The following CC2D1A variants were observed in gnomAD, a reference collection of about 807,000 sequenced individuals.
CC2D1A encodes the protein coiled-coil and C2 domain-containing protein 1A.
Under a neutral mutation model 123.8 loss-of-function variants are expected in CC2D1A, and 68 were observed. That is an observed-to-expected ratio of 0.55 (90% CI 0.45 to 0.67). CC2D1A has a LOEUF of 0.67. Ranked by LOEUF, CC2D1A falls within the 30% of genes least tolerant of loss-of-function variation. CC2D1A has a pLI of 0.00. For synonymous variants in CC2D1A, 477 were observed against 528.0 expected (o/e 0.90, Z 1.32); for missense variants, 1,185 against 1,290.3 (o/e 0.92, Z 1.25).
chr19:13,927,886 C>CA lies in CC2D1A; in HGVS notation c.2317-6dup, dbSNP rs751821508. ...CCCACCAACAGTTTCTCCTTACCCC[C>CA]ACCCAGGTCCTGGATGGTCGCCGGC... On this transcript the variant is annotated splice_region_variant and splice_polypyrimidine_tract_variant and intron_variant, in intron 22 of 28. Coordinates refer to ENST00000318003, the MANE Select transcript of CC2D1A (RefSeq NM_017721.5). The CA allele has an allele frequency of 5.0e-6, 8 of 1,613,016 alleles. No homozygotes were observed. In the African/African-American group the frequency reaches 6.7e-5, roughly 13 times the overall value.
chr19:13,916,809 G>A (rs1046352003), intron 6 of CC2D1A, among the ~76,000 whole-genome samples: 5 of 152,092 alleles, frequency 3.3e-5, no homozygotes, highest in South Asian at 2.1e-4. Context: ...AAGATACTGC[G>A]TGCCATTTTC....
chr19:13,918,462 C>T (rs898788135), intron 7 of CC2D1A, 42 bp from the exon 8 acceptor site: 2 of 1,587,620 alleles, frequency 1.3e-6, no homozygotes, highest in Non-Finnish European at 1.7e-6. Context: ...GTCCAAGCCC[C>T]CAACTGCACC....
chr19:13,929,471 G>A (rs774015201), intron 25 of CC2D1A, 29 bp downstream of exon 25: 6 of 1,612,760 alleles, frequency 3.7e-6, no homozygotes, highest in Non-Finnish European at 5.1e-6. Flanking sequence ...GGGCTACATG[G>A]GGCAGGACTG....
At position 13,930,528 on chromosome 19, in the gene CC2D1A, C is replaced by T; in HGVS notation, c.*133C>T. The T allele has an allele frequency of 9.4e-7, 1 of 1,066,608 alleles. No individual in the cohort carries two copies. Among genetic ancestry groups the T allele is most frequent in the Non-Finnish European group, 1.3e-6 (1 of 760,922 alleles). The allele number at this position is 1,066,608 out of a possible 1,614,324, so 66.1% of individuals were successfully genotyped here. A position where few individuals can be genotyped will look rare whatever the true frequency, so the allele number is the denominator to read the frequency against. On this transcript the variant is annotated 3_prime_UTR_variant, in exon 29 of 29. Transcript: ENST00000318003. The surrounding 1 kb of genome is among the most constrained non-coding windows in gnomAD (Gnocchi z 6.8). ...TTCTGGACTCACCCCTCATCCGGGC[C>T]CCCAGCCCCGCCAGAGCCTCCGTGG...
intron 1 of CC2D1A, among the ~76,000 whole-genome samples, chr19:13,907,171 TGGA>T (rs1970788661): frequency 6.6e-6 from 1 of 151,952 alleles, no homozygotes; most frequent in Non-Finnish European, 1.5e-5. Flanking sequence ...CTTCAGGAGA[TGGA>T]GGCGGAGGCA....
At position 13,918,974 on chromosome 19, in the gene CC2D1A, G is replaced by T; in HGVS notation, c.1081G>T (p.Val361Leu). 6.2e-7 allele frequency: 1 copy of T among 1,610,050 alleles called. No individual in the cohort carries two copies. Reference protein sequence around the residue: ...ALEQRMERYQVAAAQAKSKGD... With the variant: ...ALEQRMERYQLAAAQAKSKGD... ...GGAGCAGCGGATGGAGCGGTACCAG[G>T]TGGCCGCAGCCCAGGCCAAGAGCAA... Residue 361 changes from valine (V) to leucine (L), a missense_variant, in exon 10 of 29, where the codon GTG becomes TTG. Physicochemically the swap from Val to Leu is conservative, Grantham distance 32. Transcript: ENST00000318003.
chr19:13,913,559 G>A lies in CC2D1A; in HGVS notation c.669G>A (p.Glu223=). 1 of 1,614,094 alleles carries A rather than the reference G, an allele frequency of 6.2e-7. No individual in the cohort carries two copies. Among genetic ancestry groups the A allele is most frequent in the Admixed American group, 1.7e-5 (1 of 60,014 alleles). The change falls in exon 6 of 29, where the codon GAG becomes GAA. Residue 223 remains glutamate (E), a synonymous_variant. Transcript: ENST00000318003. The part of the protein sequence containing the change: ...QPAPRIASAP[E]PRVTLEGPSA... ...CCCCTAGAATCGCGTCAGCCCCAGAGCCCAGGGTCACCCTGGAGGGACCTT... is the reference window on the plus strand; with the variant it reads ...CCCCTAGAATCGCGTCAGCCCCAGAACCCAGGGTCACCCTGGAGGGACCTT...
chr19:13,923,773 C>T lies in CC2D1A; in HGVS notation c.1902C>T (p.Pro634=), dbSNP rs779463563. The T allele has an allele frequency of 1.9e-6, 3 of 1,614,160 alleles. No individual in the cohort carries two copies. The Admixed American group carries it at 5.0e-5, about 27-fold the overall frequency. ...CCTTCGTCCGGGGTCTCCCCACGCC[C>T]ACCGCCCGCTTTGAGCAAAGGACCT... ...KQAFVRGLPT[P]TARFEQRTFS... Residue 634 remains proline (P), a synonymous_variant, in exon 17 of 29, where the codon CCC becomes CCT. Transcript: ENST00000318003. This position sits in a 1 kb window ranked among gnomAD's most constrained non-coding sequence, Gnocchi z 5.3.
chr19:13,921,073 A>G, intron 14 of CC2D1A, 151 bp downstream of exon 14: 2 of 797,270 alleles, frequency 2.5e-6, no homozygotes, highest in Non-Finnish European at 3.8e-6. Context: ...GGAGACAGAC[A>G]TTTATTATGT....
chr19:13,918,815 C>T lies in CC2D1A; in HGVS notation c.1016C>T (p.Thr339Ile). Residue 339 changes from threonine to isoleucine, a missense_variant and splice_region_variant, in exon 9 of 29, where the codon ACA (threonine) becomes ATA (isoleucine). Coordinates refer to ENST00000318003, the MANE Select transcript of CC2D1A (RefSeq NM_017721.5). ...ACCCCCGCTACGGCGCCCTCCACAA[C>T]AGGTAGGTTCTGGGACCCTCTGGGG... ...PPTPATAPST[T>I]EVPPPPRTLL... 6.2e-7 allele frequency: 1 copy of T among 1,613,654 alleles called. No individual in the cohort carries two copies. The highest frequency in any genetic ancestry group is 2.2e-5 in the East Asian group (1 of 44,880).
Position 13,912,564 on chromosome 19 carries a change from G to C in CC2D1A, c.349G>C (p.Ala117Pro), listed in dbSNP as rs1728920171. The C allele has an allele frequency of 1.2e-6, 2 of 1,614,088 alleles. No individual in the cohort carries two copies. The highest frequency in any genetic ancestry group is 1.3e-5 in the African/African-American group (1 of 75,038). Residue 117 changes from alanine (A) to proline (P), a missense_variant, in exon 4 of 29, where the codon GCT (alanine) becomes CCT (proline). Transcript: ENST00000318003. ...TGAGGTCCTTGGAGAGGAGCAGAAG[G>C]CTTCAGAGACCCCACCTCCTGTGGC... Reference protein sequence around the residue: ...LNEVLGEEQKASETPPPVAQP... With the variant: ...LNEVLGEEQKPSETPPPVAQP...
chr19:13,928,302 C>T, intron 24 of CC2D1A, 114 bp downstream of exon 24: 1 of 860,814 alleles, frequency 1.2e-6, no homozygotes, highest in African/African-American at 1.7e-5. Flanking sequence ...TGCTGCAAAA[C>T]CTTTCTTGGC....
Position 13,912,338 on chromosome 19 carries a change from A to G in CC2D1A, c.212A>G (p.Glu71Gly), listed in dbSNP as rs554083988. The change falls in exon 3 of 29, where the codon GAG (glutamate) becomes GGG (glycine). Residue 71 changes from glutamate to glycine, a missense_variant. Coordinates refer to ENST00000318003, the MANE Select transcript of CC2D1A (RefSeq NM_017721.5). ...CTACCGCCAGGTCCCTTGCCGATGG[A>G]GGCCATTGAGAAGATGGCCAGCCTG... ...KLKGKGPLPM[E>G]AIEKMASLCM... 6 of 1,608,076 alleles carry G rather than the reference A, an allele frequency of 3.7e-6. No individual in the cohort carries two copies. In the East Asian group the frequency reaches 6.7e-5, roughly 18 times the overall value.
intron 17 of CC2D1A, 85 bp from the exon 18 acceptor site, chr19:13,926,432 T>G: frequency 7.5e-7 from 1 of 1,331,398 alleles, no homozygotes. Flanking sequence ...CTGCCCCCAC[T>G]GGGGGAAGAG....
rs533880205 is a variant in CC2D1A, at chr19:13,927,067, G to A, written c.2215G>A (p.Val739Ile). The A allele has an allele frequency of 1.9e-6, 3 of 1,614,076 alleles. No homozygotes were observed. The highest frequency in any genetic ancestry group is 2.5e-6 in the Non-Finnish European group (3 of 1,179,986). ...IQTKGIKFEV[V>I]HKGGLFKTDR... The stretch of plus-strand genomic sequence containing the variant: ...GACCAAGGGCATCAAGTTCGAAGTG[G>A]TTCACAAGGGGTGAGCTAGAGAGAG... The change falls in exon 21 of 29, where the codon GTT (valine) becomes ATT (isoleucine). Residue 739 changes from valine to isoleucine, a missense_variant. Transcript: ENST00000318003.
chr19:13,920,751 C>A lies in CC2D1A; in HGVS notation c.1470C>A (p.Ala490=), dbSNP rs1200229558. ...KAPPKATSTR[A]QQQLAFLEGR... is the part of the protein sequence containing the mutation. Reference sequence around the variant, plus strand: ...CCATAGCAGCTCCTATGCCCACAGCCCAGCAGCAGCTGGCCTTCCTAGAGG... The same window carrying A: ...CCATAGCAGCTCCTATGCCCACAGCACAGCAGCAGCTGGCCTTCCTAGAGG... Residue 490 remains alanine (A), a splice_region_variant and synonymous_variant, in exon 14 of 29, where the codon GCC becomes GCA. Coordinates refer to ENST00000318003, the MANE Select transcript of CC2D1A (RefSeq NM_017721.5). The A allele has an allele frequency of 6.2e-7, 1 of 1,613,148 alleles. No homozygotes were observed. Among genetic ancestry groups the A allele is most frequent in the Non-Finnish European group, 8.5e-7 (1 of 1,179,432 alleles).
intron 2 of CC2D1A, among the ~76,000 whole-genome samples, chr19:13,910,242 CAA>C (rs1361165310): frequency 2.3e-4 from 26 of 114,494 alleles, no homozygotes; most frequent in Admixed American, 3.6e-4. Context: ...ACTAAAAATA[CAA>C]AAAAAAAAAA....
Position 13,926,547 on chromosome 19 carries a change from G to A in CC2D1A, c.1971G>A (p.Met657Ile), listed in dbSNP as rs764376540. The A allele has an allele frequency of 6.2e-7, 1 of 1,614,150 alleles. No homozygotes were observed. Among genetic ancestry groups the A allele is most frequent in the Non-Finnish European group, 8.5e-7 (1 of 1,180,016 alleles). Residue 657 changes from methionine (M) to isoleucine (I), a missense_variant, in exon 18 of 29, where the codon ATG (methionine) becomes ATA (isoleucine). Transcript: ENST00000318003. ...TCCCTGACCTCAGCAGCAACGACAT[G>A]CTCCTCTTCATCGTGAAGGGCATCA... Reference protein sequence around the residue: ...KIFPDLSSNDMLLFIVKGINL... With the variant: ...KIFPDLSSNDILLFIVKGINL...
chr19:13,913,483 G>A lies in CC2D1A; in HGVS notation c.593G>A (p.Gly198Glu). Residue 198 changes from glycine to glutamate, a missense_variant, in exon 6 of 29, where the codon GGA becomes GAA. Physicochemically the swap from Gly to Glu is moderately conservative, Grantham distance 98 (BLOSUM62 -2). Coordinates refer to ENST00000318003, the MANE Select transcript of CC2D1A (RefSeq NM_017721.5). ...GACATCCCGCCGCCAGTGGCCATAG[G>A]AAAAGGCCCGGCGTCCACGCCTACC... ...EADIPPPVAI[G>E]KGPASTPTYS... is the part of the protein sequence containing the mutation. The A allele has an allele frequency of 6.2e-7, 1 of 1,614,210 alleles. No individual in the cohort carries two copies. Among genetic ancestry groups the A allele is most frequent in the South Asian group, 1.1e-5 (1 of 91,088 alleles).
Sources: allele counts gnomAD v4.1 joint callset (sites outside exome capture counted in the v4.1 genomes callset), GRCh38; gene constraint gnomAD v4.1.1; non-coding constraint Gnocchi (gnomAD v3.1); transcripts MANE v1.5; gene names NCBI Gene and HGNC (gene_info 2026-07-23, HGNC 2026-07-21).